Variants in DLG2 observed in about 807,000 individuals in gnomAD.
DLG2 encodes the protein discs large MAGUK scaffold protein 2, also known as disks large homolog 2.
In DLG2, 45 loss-of-function variants were observed where a neutral mutation model predicts 132.5. That is an observed-to-expected ratio of 0.34 (90% CI 0.27 to 0.44). The LOEUF is 0.44. Ranked by LOEUF, DLG2 falls within the 20% of genes least tolerant of loss-of-function variation. The pLI, the probability that DLG2 is intolerant of heterozygous loss-of-function variation, is 1.00. For synonymous variants in DLG2, 424 were observed against 419.6 expected, an observed-to-expected ratio of 1.01 and a Z score of -0.13; for missense variants, 1,045 against 1,196.9, an observed-to-expected ratio of 0.87 and a Z score of 1.87.
intron 3 of DLG2, among the ~76,000 whole-genome samples, chr11:85,567,452 G>C (rs1406503011): frequency 6.6e-6 from 1 of 152,058 alleles, no homozygotes; most frequent in Non-Finnish European, 1.5e-5. Context: ...GCTCATGACT[G>C]ATGTAAAACT....
intron 4 of DLG2, among the ~76,000 whole-genome samples, chr11:85,165,532 A>C (rs1293055676): frequency 6.6e-6 from 1 of 152,192 alleles, no homozygotes; most frequent in Non-Finnish European, 1.5e-5. Context: ...CTATAAGGAA[A>C]GTACTTTGAA....
At chr11:84,923,370 G>C (rs1445391967) in intron 6 of DLG2, 1 of 1,118,986 alleles carries the variant, frequency 8.9e-7, no homozygotes, top group African/African-American at 1.7e-5. Flanking sequence ...TTCAGCGTCT[G>C]AAAGTTAAGA....
At chr11:85,316,870 C>A (rs2080717531) in intron 3 of DLG2, among the ~76,000 whole-genome samples, 1 of 151,890 alleles carries the variant, frequency 6.6e-6, no homozygotes. Context: ...CGGTCCCCAC[C>A]ATCCTAGAAT....
chr11:85,616,723 C>T (rs376253596), intron 2 of DLG2, among the ~76,000 whole-genome samples: 3 of 152,104 alleles, frequency 2.0e-5, no homozygotes, highest in South Asian at 4.1e-4. Flanking sequence ...CTGAAGAAAA[C>T]ATAAAAAAGT....
chr11:84,712,709 T>C (rs537599222), intron 6 of DLG2, among the ~76,000 whole-genome samples: 1 of 152,252 alleles, frequency 6.6e-6, no homozygotes, highest in African/African-American at 2.4e-5. Flanking sequence ...ATACCAGGCA[T>C]TGTGCTAAAT....
At chr11:83,535,744 G>T (rs1201288930) in intron 20 of DLG2, among the ~76,000 whole-genome samples, 1 of 152,076 alleles carries the variant, frequency 6.6e-6, no homozygotes, top group Non-Finnish European at 1.5e-5. Context: ...TCCTATTTGG[G>T]TTGAAAGTTT....
intron 7 of DLG2, among the ~76,000 whole-genome samples, chr11:84,519,936 T>C (rs987475863): frequency 6.6e-6 from 1 of 152,190 alleles, no homozygotes; most frequent in African/African-American, 2.4e-5. Context: ...GGTATAGTTT[T>C]TATCTAGGGA....
chr11:84,566,207 C>T (rs1451997626), intron 6 of DLG2, among the ~76,000 whole-genome samples: 1 of 152,052 alleles, frequency 6.6e-6, no homozygotes, highest in Non-Finnish European at 1.5e-5. Flanking sequence ...AATTGATCCA[C>T]CCTCCTCGGC....
chr11:84,800,760 G>A (rs1281049515), intron 6 of DLG2: 8 of 152,114 alleles, frequency 5.3e-5, no homozygotes, highest in Admixed American at 5.2e-4. Context: ...ACTATATTAA[G>A]CCAAGAAAAA....
intron 16 of DLG2, among the ~76,000 whole-genome samples, chr11:83,860,987 G>C (rs1326653126): frequency 6.6e-6 from 1 of 152,180 alleles, no homozygotes; most frequent in Non-Finnish European, 1.5e-5. Flanking sequence ...CACCATGATT[G>C]TGAGGCCTTC....
chr11:85,162,134 G>A lies in DLG2; in HGVS notation c.187-7483C>T, dbSNP rs571920086. On this transcript the variant is annotated intron_variant, in intron 4 of 27. Transcript: ENST00000376104. ...TTTAAGTCAACAGGCTAAGAAGGGA[G>A]TTATAGTGTTGGCTGGTGTGACTGA... 1.8e-4 allele frequency among the ~76,000 whole-genome samples: 27 copies of A among 152,334 alleles called. No homozygotes were observed. In the East Asian group the frequency reaches 4.8e-3, roughly 27 times the overall value.
intron 6 of DLG2, among the ~76,000 whole-genome samples, chr11:84,621,318 T>G (rs2099613524): frequency 6.6e-6 from 1 of 152,114 alleles, no homozygotes; most frequent in Non-Finnish European, 1.5e-5. Context: ...AAGAATGAAC[T>G]GGAGTAGAGG....
At chr11:85,341,595 T>C (rs1233008339) in intron 3 of DLG2, among the ~76,000 whole-genome samples, 1 of 152,202 alleles carries the variant, frequency 6.6e-6, no homozygotes, top group African/African-American at 2.4e-5. Context: ...GTCCCGATCT[T>C]AGTAAAACTG....
intron 7 of DLG2, among the ~76,000 whole-genome samples, chr11:84,483,674 T>C (rs1217877376): frequency 6.6e-6 from 1 of 151,680 alleles, no homozygotes; most frequent in East Asian, 1.9e-4. Flanking sequence ...AGGAAGAGGG[T>C]GGATGGAGGG....
At chr11:85,044,669 C>A (rs993912092) in intron 6 of DLG2, among the ~76,000 whole-genome samples, 1 of 151,964 alleles carries the variant, frequency 6.6e-6, no homozygotes, top group East Asian at 1.9e-4. Flanking sequence ...TTTTAAATCA[C>A]TGCTTAAACT....
chr11:85,137,549 G>A (rs940202232), intron 5 of DLG2, among the ~76,000 whole-genome samples: 3 of 152,078 alleles, frequency 2.0e-5, no homozygotes, highest in African/African-American at 7.2e-5. Context: ...CTTAGCCAAA[G>A]GTAGCCTGGA....
In DLG2 at chr11:85,044,292, C is replaced by T. The variant is rs187005128; in HGVS notation, c.357+67369G>A. Among the ~76,000 whole-genome samples, 13 of 152,032 alleles carry T rather than the reference C, an allele frequency of 8.6e-5. No individual in the cohort carries two copies. In the East Asian group the frequency reaches 2.3e-3, roughly 27 times the overall value. On this transcript the variant is annotated intron_variant, in intron 6 of 27. Coordinates refer to ENST00000376104, the MANE Select transcript of DLG2 (RefSeq NM_001142699.3). ...TTGCCTATTAACTTTTTGTCTCCTC[C>T]ACTATACTATCACTGCCTAGAGGAT...
chr11:85,024,448 C>G (rs147522063), intron 6 of DLG2, among the ~76,000 whole-genome samples: 2 of 152,262 alleles, frequency 1.3e-5, no homozygotes, highest in Non-Finnish European at 2.9e-5. Flanking sequence ...AACTGTGTGA[C>G]TTTTTTCCTC....
At chr11:84,475,340 A>T (rs2099118820) in intron 7 of DLG2, among the ~76,000 whole-genome samples, 1 of 152,016 alleles carries the variant, frequency 6.6e-6, no homozygotes, top group Non-Finnish European at 1.5e-5. Flanking sequence ...AAATACTAAC[A>T]TTTTTTGCGG....
Sources: gnomAD v4.1 joint callset for allele counts (sites outside exome capture counted in the v4.1 genomes callset) on GRCh38, gnomAD v4.1.1 for gene constraint, MANE v1.5 for transcripts, NCBI Gene and HGNC (gene_info 2026-07-23, HGNC 2026-07-21) for gene names.